WNK2: variants seen among roughly 807,000 people sequenced by gnomAD.
WNK2 encodes the protein WNK lysine deficient protein kinase 2, also known as serine/threonine-protein kinase WNK2.
In WNK2, 67 loss-of-function variants were observed where a neutral mutation model predicts 192.1. The ratio of observed to expected loss-of-function variants is 0.35; its 90% confidence interval spans 0.29 to 0.43. The LOEUF is 0.43. Ranked by LOEUF, WNK2 falls within the 20% of genes least tolerant of loss-of-function variation. WNK2 has a pLI of 1.00. For missense variants in WNK2, 2,698 were observed against 3,089.7 expected, an observed-to-expected ratio of 0.87 and a Z score of 3.01; for synonymous variants, 1,439 against 1,393.9, an observed-to-expected ratio of 1.03 and a Z score of -0.72.
chr9:93,308,559 G>C lies in WNK2; in HGVS notation c.6491G>C (p.Trp2164Ser). 2.5e-6 allele frequency: 4 copies of C among 1,598,736 alleles called. No individual in the cohort carries two copies. Among genetic ancestry groups the C allele is most frequent in the Non-Finnish European group, 2.6e-6 (3 of 1,173,644 alleles). Reference sequence around the variant, plus strand: ...CAAGACATGGAGGCCCAGGCAGGCTGGGCTGCCCCTGGCGAGGCGCGGGCT... The same window carrying C: ...CAAGACATGGAGGCCCAGGCAGGCTCGGCTGCCCCTGGCGAGGCGCGGGCT... Reference protein sequence around the residue: ...KLQDMEAQAGWAAPGEARAMT... With the variant: ...KLQDMEAQAGSAAPGEARAMT... Residue 2164 changes from tryptophan (W) to serine (S), a missense_variant, in exon 28 of 30, where the codon TGG becomes TCG. Trp to Ser is a radical substitution (Grantham distance 177). Transcript: ENST00000427277.
chr9:93,308,391 A>C lies in WNK2; in HGVS notation c.6323A>C (p.Gln2108Pro). ...GGCCCCCAGCCCGCCCTGCACGTCC[A>C]GGCGCAGGTGAACAACAGCAACAAC... ...EPGPQPALHV[Q>P]AQVNNSNNKK... Residue 2108 changes from glutamine to proline, a missense_variant, in exon 28 of 30, where the codon CAG becomes CCG. Physicochemically the swap from Gln to Pro is moderately conservative, Grantham distance 76. Around this residue, in one of 7 missense-constraint regions of WNK2, gnomAD observed 167 missense variants for 184.2 expected, o/e 0.91. Coordinates refer to ENST00000427277, the MANE Select transcript of WNK2 (RefSeq NM_006648.4). 6.3e-7 allele frequency: 1 copy of C among 1,578,512 alleles called. No homozygotes were observed. Among genetic ancestry groups the C allele is most frequent in the Non-Finnish European group, 8.6e-7 (1 of 1,162,990 alleles).
intron 28 of WNK2, among the ~76,000 whole-genome samples, chr9:93,314,441 T>A (rs1854241455): frequency 7.3e-6 from 1 of 136,408 alleles, no homozygotes; most frequent in Non-Finnish European, 1.6e-5. Flanking sequence ...AGCAAGACCC[T>A]GTCTGAAAAA....
intron 28 of WNK2, among the ~76,000 whole-genome samples, chr9:93,311,002 A>G (rs1254670351): frequency 6.6e-6 from 1 of 152,054 alleles, no homozygotes; most frequent in Non-Finnish European, 1.5e-5. Flanking sequence ...AGCCACCACC[A>G]CTGTTCATCT....
rs780072305 is a variant in WNK2, at chr9:93,297,841, C to A, written c.5709-12C>A. On this transcript the variant is annotated splice_polypyrimidine_tract_variant and intron_variant, in intron 23 of 29. Coordinates refer to ENST00000427277, the MANE Select transcript of WNK2 (RefSeq NM_006648.4). Reference sequence around the variant, plus strand: ...GAAGCCCATCGGCGCTCCCTCCTGTCCCCTCCTGCAGGCACCTGAAGGAGA... The same window carrying A: ...GAAGCCCATCGGCGCTCCCTCCTGTACCCTCCTGCAGGCACCTGAAGGAGA... 2 of 1,566,070 alleles carry A rather than the reference C, an allele frequency of 1.3e-6. No individual in the cohort carries two copies. The highest frequency in any genetic ancestry group is 1.4e-5 in the African/African-American group (1 of 73,740).
chr9:93,255,922 G>A (rs1179983606), intron 9 of WNK2, among the ~76,000 whole-genome samples: 3 of 152,226 alleles, frequency 2.0e-5, no homozygotes, highest in Admixed American at 6.5e-5. Context: ...TCTCCATATC[G>A]TCTGTGAGTT....
intron 26 of WNK2, 99 bp downstream of exon 26, chr9:93,300,248 T>C: frequency 1.1e-6 from 1 of 951,284 alleles, no homozygotes; most frequent in East Asian, 2.6e-5. Flanking sequence ...TTTCATAGGA[T>C]GCCTCCCCCA....
intron 2 of WNK2, among the ~76,000 whole-genome samples, chr9:93,192,033 A>G (rs1289715800): frequency 6.6e-6 from 1 of 151,190 alleles, no homozygotes; most frequent in Admixed American, 6.6e-5. Context: ...CAAAAAAAAA[A>G]GGCCAGGCGT....
At chr9:93,283,666 C>T (rs1169489879) in intron 19 of WNK2, among the ~76,000 whole-genome samples, 1 of 152,184 alleles carries the variant, frequency 6.6e-6, no homozygotes, top group Non-Finnish European at 1.5e-5. Context: ...GCTGGAACAA[C>T]TCAGTGTGTA....
intron 7 of WNK2, among the ~76,000 whole-genome samples, chr9:93,246,001 A>G (rs1841610179): frequency 6.6e-6 from 1 of 152,174 alleles, no homozygotes; most frequent in South Asian, 2.1e-4. Context: ...GGAGCCACAG[A>G]GGAGAAACGG....
chr9:93,188,161 C>A (rs1447414369), intron 2 of WNK2, among the ~76,000 whole-genome samples: 2 of 152,160 alleles, frequency 1.3e-5, no homozygotes, highest in Non-Finnish European at 2.9e-5. Flanking sequence ...GGCCTCTATC[C>A]CTTTCTTCCC....
chr9:93,185,393 A>G lies in WNK2; in HGVS notation c.464A>G (p.Asp155Gly), dbSNP rs752469614. 3.7e-6 allele frequency: 6 copies of G among 1,600,448 alleles called. No homozygotes were observed. Among genetic ancestry groups the G allele is most frequent in the Non-Finnish European group, 5.1e-6 (6 of 1,175,196 alleles). The change falls in exon 2 of 30, where the codon GAT becomes GGT. Residue 155 changes from aspartate (D) to glycine (G), a missense_variant. Asp to Gly is a moderately conservative substitution (Grantham distance 94). This residue lies in a region of WNK2 where 260 missense variants were observed against 285.6 expected (regional missense o/e 0.91). Transcript: ENST00000427277. ...GCGGCGGCGACCGTGAGGAAGGAGG[A>G]TGAGGGGGCGGCCGAGGCGAAGCCT... ...EEAAATVRKE[D>G]EGAAEAKPEP...
At chr9:93,255,181 G>C (rs1843105594) in intron 9 of WNK2, among the ~76,000 whole-genome samples, 1 of 152,228 alleles carries the variant, frequency 6.6e-6, no homozygotes. Context: ...GTCCCCAGGT[G>C]TGCTGAGGGC....
intron 2 of WNK2, among the ~76,000 whole-genome samples, chr9:93,188,442 G>T (rs374105672): frequency 6.6e-6 from 1 of 152,238 alleles, no homozygotes; most frequent in Non-Finnish European, 1.5e-5. Context: ...GGGCAGTGAG[G>T]TGTTTCACCT....
intron 2 of WNK2, among the ~76,000 whole-genome samples, chr9:93,196,881 G>T (rs1831370380): frequency 6.6e-6 from 1 of 152,118 alleles, no homozygotes. Context: ...GTGTGCTAGA[G>T]CCCTCCTCTG....
chr9:93,288,962 C>T lies in WNK2; in HGVS notation c.4208C>T (p.Thr1403Ile). 1 of 1,605,616 alleles carries T rather than the reference C, an allele frequency of 6.2e-7. No homozygotes were observed. ...ALPQDGAAPA[T>I]STMPEPASGT... ...CCCCAAGATGGAGCAGCTCCAGCCA[C>T]CAGCACCATGCCAGAGCCAGCGTCA... The change falls in exon 20 of 30, where the codon ACC becomes ATC. Residue 1403 changes from threonine to isoleucine, a missense_variant. Physicochemically the swap from Thr to Ile is moderately conservative, Grantham distance 89 (BLOSUM62 -1). Around this residue, in one of 7 missense-constraint regions of WNK2, gnomAD observed 1,098 missense variants for 1,101.0 expected, o/e 1.00. Transcript: ENST00000427277.
intron 28 of WNK2, among the ~76,000 whole-genome samples, chr9:93,312,127 G>C (rs538527683): frequency 6.6e-6 from 1 of 152,122 alleles, no homozygotes; most frequent in East Asian, 1.9e-4. Context: ...TTTCATTGTT[G>C]AGTTTTAGGA....
chr9:93,192,321 A>G (rs1830471713), intron 2 of WNK2, among the ~76,000 whole-genome samples: 1 of 152,108 alleles, frequency 6.6e-6, no homozygotes, highest in South Asian at 2.1e-4. Context: ...CAAGAAAAAA[A>G]AAAAAGAGAG....
intron 2 of WNK2, 141 bp downstream of exon 2, chr9:93,185,751 G>A (rs1829187351): frequency 9.7e-7 from 1 of 1,030,544 alleles, no homozygotes; most frequent in Non-Finnish European, 1.4e-6. Flanking sequence ...CTGTGTGGAT[G>A]GCTGGCAGGA....
chr9:93,292,852 C>G lies in WNK2; in HGVS notation c.5387C>G (p.Ser1796Cys). The G allele has an allele frequency of 6.7e-7, 1 of 1,493,670 alleles. No homozygotes were observed. The highest frequency in any genetic ancestry group is 2.5e-5 in the East Asian group (1 of 40,620). 92.5% of individuals were successfully genotyped at this position (1,493,670 alleles called of 1,614,324 possible). A position where few individuals can be genotyped will look rare whatever the true frequency, so the allele number is the denominator to read the frequency against. The part of the protein sequence containing the change: ...LAVRRAQTAS[S>C]IEVGVGEPVS... ...GTGCGGCGGGCGCAGACGGCCTCCT[C>G]CATCGAGGTCGGCGTGGGCGAGCCC... The change falls in exon 23 of 30, where the codon TCC becomes TGC. Residue 1796 changes from serine (S) to cysteine (C), a missense_variant. Coordinates refer to ENST00000427277, the MANE Select transcript of WNK2 (RefSeq NM_006648.4).
Sources: allele counts gnomAD v4.1 joint callset (sites outside exome capture counted in the v4.1 genomes callset), GRCh38; gene constraint gnomAD v4.1.1; regional missense constraint gnomAD v4.1.1; transcripts MANE v1.5; gene names NCBI Gene and HGNC (gene_info 2026-07-23, HGNC 2026-07-21).